NKAIN3: variants seen among roughly 807,000 people sequenced by gnomAD.
NKAIN3 encodes the protein sodium/potassium transporting ATPase interacting 3.
In NKAIN3, 25 loss-of-function variants were observed where a neutral mutation model predicts 30.2. The observed-to-expected ratio is 0.83, with a 90% confidence interval of 0.60 to 1.16. The LOEUF is 1.16. Ranked by LOEUF, NKAIN3 falls within the 50% of genes most tolerant of loss-of-function variation. The probability of loss-of-function intolerance (pLI) is 0.00; values close to 1 mark genes in which losing one functional copy is unlikely to be tolerated. For missense variants in NKAIN3, 225 were observed against 254.1 expected (o/e 0.89, Z 0.78); for synonymous variants, 91 against 89.6 (o/e 1.02, Z -0.09).
chr8:62,277,453 C>A (rs1404533311), intron 1 of NKAIN3, among the ~76,000 whole-genome samples: 1 of 152,046 alleles, frequency 6.6e-6, no homozygotes, highest in East Asian at 1.9e-4. Flanking sequence ...CTCTGAATTG[C>A]CCGGTGTTGC....
intron 4 of NKAIN3, among the ~76,000 whole-genome samples, chr8:62,794,921 A>ATATT (rs999746479): frequency 1.3e-5 from 2 of 152,050 alleles, no homozygotes; most frequent in African/African-American, 4.8e-5. Context: ...GTTCATGCCA[A>ATATT]TATTTATCCA....
intron 4 of NKAIN3, among the ~76,000 whole-genome samples, chr8:62,858,247 G>A (rs535145583): frequency 6.6e-6 from 1 of 151,554 alleles, no homozygotes; most frequent in African/African-American, 2.4e-5. Context: ...CCATCCCGGG[G>A]GGTACGGACC....
At chr8:62,738,944 G>T (rs1039323701) in intron 3 of NKAIN3, among the ~76,000 whole-genome samples, 2 of 152,126 alleles carry the variant, frequency 1.3e-5, no homozygotes, top group African/African-American at 4.8e-5. Flanking sequence ...CATAAAAAAG[G>T]ATGAGTTCAT....
At chr8:62,845,936 C>A (rs776589388) in intron 4 of NKAIN3, among the ~76,000 whole-genome samples, 3 of 152,042 alleles carry the variant, frequency 2.0e-5, no homozygotes, top group Admixed American at 6.6e-5. Context: ...TAAAAACAAA[C>A]CTGCTTTGTG....
chr8:62,268,872 G>T (rs1315265376), intron 1 of NKAIN3, among the ~76,000 whole-genome samples: 4 of 152,170 alleles, frequency 2.6e-5, no homozygotes, highest in African/African-American at 7.2e-5. Flanking sequence ...ATCTGGGAAT[G>T]CCTGACCAGG....
intron 1 of NKAIN3, among the ~76,000 whole-genome samples, chr8:62,442,849 C>A (rs1805369624): frequency 6.6e-6 from 1 of 151,824 alleles, no homozygotes; most frequent in African/African-American, 2.4e-5. Flanking sequence ...TTCATCTGGT[C>A]ATAAGTGTTT....
intron 1 of NKAIN3, among the ~76,000 whole-genome samples, chr8:62,541,664 T>C (rs1808844562): frequency 1.3e-5 from 2 of 152,146 alleles, no homozygotes; most frequent in African/African-American, 4.8e-5. Context: ...ATTTTTTTGC[T>C]TTTAATTCTA....
chr8:62,252,166 CT>C (rs938300339), intron 1 of NKAIN3, among the ~76,000 whole-genome samples: 6 of 150,390 alleles, frequency 4.0e-5, no homozygotes, highest in African/African-American at 7.3e-5. Flanking sequence ...ATGTTTTTTT[CT>C]GCTTCCACCA....
Position 62,780,305 on chromosome 8 carries a change from T to C in NKAIN3, c.471+33176T>C, listed in dbSNP as rs1039305907. Reference sequence around the variant, plus strand: ...GAGATTAAATCAGCAATAAAATGTCTCCCAACAAAGAAAAGTCCAGGAACA... The same window carrying C: ...GAGATTAAATCAGCAATAAAATGTCCCCCAACAAAGAAAAGTCCAGGAACA... On this transcript the variant is annotated intron_variant, in intron 4 of 6. Coordinates refer to ENST00000623646, the MANE Select transcript of NKAIN3 (RefSeq NM_001304533.3). Among the ~76,000 whole-genome samples, 19 of 152,028 alleles carry C rather than the reference T, an allele frequency of 1.2e-4. No individual in the cohort carries two copies. The East Asian group carries it at 3.5e-3, about 28-fold the overall frequency.
chr8:62,405,715 G>A (rs767439172), intron 1 of NKAIN3, among the ~76,000 whole-genome samples: 2 of 152,170 alleles, frequency 1.3e-5, no homozygotes, highest in Admixed American at 6.5e-5. Flanking sequence ...ACCAGGTACT[G>A]TAATTGCTCA....
At chr8:62,766,596 G>A (rs2130627733) in intron 4 of NKAIN3, among the ~76,000 whole-genome samples, 1 of 152,260 alleles carries the variant, frequency 6.6e-6, no homozygotes, top group East Asian at 1.9e-4. Flanking sequence ...TGATGTAGGA[G>A]GTGATCCCAG....
At chr8:62,763,365 T>TCATAATGACA (rs1192147182) in intron 4 of NKAIN3, among the ~76,000 whole-genome samples, 1 of 151,616 alleles carries the variant, frequency 6.6e-6, no homozygotes, top group African/African-American at 2.4e-5. Context: ...GATTGTCATT[T>TCATAATGACA]CATAATGGCT....
At chr8:62,469,067 C>G (rs1047056342) in intron 1 of NKAIN3, among the ~76,000 whole-genome samples, 1 of 152,148 alleles carries the variant, frequency 6.6e-6, no homozygotes, top group African/African-American at 2.4e-5. Context: ...TTGGCCTGGA[C>G]TGTAAGTCTT....
intron 5 of NKAIN3, chr8:62,999,098 T>C (rs138020439): frequency 4.9e-4 from 75 of 152,294 alleles, no homozygotes; most frequent in African/African-American, 1.7e-3. Flanking sequence ...TTGGGTTCCT[T>C]ATATATTTTG....
intron 6 of NKAIN3, among the ~76,000 whole-genome samples, chr8:62,960,078 A>T (rs551770852): frequency 6.6e-6 from 1 of 152,300 alleles, no homozygotes; most frequent in East Asian, 1.9e-4. Flanking sequence ...CCTGATATAT[A>T]CTTATTTGAC....
chr8:62,647,251 G>A (rs11986711), intron 3 of NKAIN3, among the ~76,000 whole-genome samples: 1 of 152,160 alleles, frequency 6.6e-6, no homozygotes, highest in African/African-American at 2.4e-5. Flanking sequence ...TAAATGCATA[G>A]AGCAGTTGTC....
chr8:62,471,317 T>C (rs1270396879), intron 1 of NKAIN3, among the ~76,000 whole-genome samples: 1 of 151,426 alleles, frequency 6.6e-6, no homozygotes, highest in African/African-American at 2.4e-5. Flanking sequence ...AAAAAAAAAA[T>C]GATCTGGAGC....
chr8:62,664,595 T>G (rs58103443), intron 3 of NKAIN3, among the ~76,000 whole-genome samples: 31,144 of 152,084 alleles, frequency 0.2, 3,304 homozygotes, highest in East Asian at 0.34. Flanking sequence ...AATCCTGATA[T>G]TACTGCAACT....
intron 4 of NKAIN3, among the ~76,000 whole-genome samples, chr8:62,820,126 A>C (rs1303072816): frequency 6.6e-6 from 1 of 152,144 alleles, no homozygotes; most frequent in Admixed American, 6.6e-5. Flanking sequence ...GTTCTTCCCC[A>C]CAAAGAATTT....
Sources: gnomAD v4.1 joint callset for allele counts (sites outside exome capture counted in the v4.1 genomes callset) on GRCh38, gnomAD v4.1.1 for gene constraint, MANE v1.5 for transcripts, NCBI Gene and HGNC (gene_info 2026-07-23, HGNC 2026-07-21) for gene names.